The following CSRP1 variants were observed in gnomAD, a reference collection of about 807,000 sequenced individuals.
CSRP1 encodes cysteine and glycine rich protein 1.
Under a neutral mutation model 25.4 loss-of-function variants are expected in CSRP1, and 16 were observed. The ratio of observed to expected loss-of-function variants is 0.63; its 90% CI spans 0.43 to 0.96. The LOEUF (loss-of-function observed/expected upper bound fraction) is 0.96, where lower values mean the gene tolerates loss of function less well. CSRP1 is among the 40% of genes least tolerant of loss of function. CSRP1 has a pLI of 0.00. For synonymous variants in CSRP1, 97 were observed against 95.3 expected, an observed-to-expected ratio of 1.02 and a Z score of -0.10; for missense variants, 212 against 243.6, an observed-to-expected ratio of 0.87 and a Z score of 0.86.
At chr1:201,485,429 C>T in intron 4 of CSRP1, 53 bp from the exon 5 acceptor site, 1 of 1,499,630 alleles carries the variant, frequency 6.7e-7, no homozygotes, top group Non-Finnish European at 9.3e-7. Context: ...AGGGTACCCT[C>T]CACCCCAGGC....
intron 1 of CSRP1, among the ~76,000 whole-genome samples, chr1:201,504,624 T>C (rs770243748): frequency 3.2e-4 from 49 of 152,200 alleles, no homozygotes; most frequent in Non-Finnish European, 5.4e-4. Context: ...CTTCCCAATT[T>C]GCTTCCCACA....
intron 1 of CSRP1, among the ~76,000 whole-genome samples, chr1:201,500,969 T>C (rs1664653835): frequency 6.6e-6 from 1 of 152,158 alleles, no homozygotes; most frequent in Non-Finnish European, 1.5e-5. Flanking sequence ...GCTGTACAGG[T>C]CAATGGTTAG....
chr1:201,492,202 G>C (rs764104774), intron 2 of CSRP1: 1 of 152,254 alleles, frequency 6.6e-6, no homozygotes, highest in African/African-American at 2.4e-5. Flanking sequence ...AAGAGTGCTT[G>C]GGGGAACAGA....
intron 1 of CSRP1, among the ~76,000 whole-genome samples, chr1:201,497,238 A>T (rs1664541831): frequency 6.6e-6 from 1 of 151,586 alleles, no homozygotes; most frequent in East Asian, 1.9e-4. Context: ...GCGCCCCTGT[A>T]ATCCTAGCTA....
At position 201,496,308 on chromosome 1, in the gene CSRP1, A is replaced by T. The variant is rs779233422; in HGVS notation, c.-1-4T>A. The T allele has an allele frequency of 3.1e-6, 5 of 1,604,384 alleles. No homozygotes were observed. The South Asian group carries it at 5.5e-5, about 18-fold the overall frequency. On this transcript the variant is annotated splice_polypyrimidine_tract_variant and splice_region_variant and intron_variant, in intron 1 of 5. Coordinates refer to ENST00000340006, the MANE Select transcript of CSRP1 (RefSeq NM_004078.3). ...GCCTCCTCCCCAGTTCGGCATTCTGAAAAGGGACACAGAAATGGGAATTAA... is the reference window on the plus strand; with the variant it reads ...GCCTCCTCCCCAGTTCGGCATTCTGTAAAGGGACACAGAAATGGGAATTAA...
At chr1:201,494,400 G>T (rs1212816079) in intron 2 of CSRP1, among the ~76,000 whole-genome samples, 1 of 152,218 alleles carries the variant, frequency 6.6e-6, no homozygotes, top group Middle Eastern at 3.2e-3. Flanking sequence ...CCTCTGGAAA[G>T]ATAAACGGCT....
intron 2 of CSRP1, among the ~76,000 whole-genome samples, chr1:201,493,511 G>A (rs1664407864): frequency 6.6e-6 from 1 of 152,192 alleles, no homozygotes; most frequent in South Asian, 2.1e-4. Flanking sequence ...CTTCTCCTTT[G>A]CCTTCTGCCA....
intron 1 of CSRP1, chr1:201,506,504 T>C (rs953602689): frequency 6.6e-6 from 1 of 152,308 alleles, no homozygotes; most frequent in African/African-American, 2.4e-5. Flanking sequence ...TTTCAAGGAC[T>C]GAGGCCACAA....
intron 2 of CSRP1, chr1:201,495,743 C>T (rs928622309): frequency 6.4e-6 from 1 of 157,240 alleles, no homozygotes; most frequent in African/African-American, 2.4e-5. Context: ...ACAGGCCAGC[C>T]TGCAAGGGGC....
At chr1:201,500,169 T>A (rs1664622846) in intron 1 of CSRP1, among the ~76,000 whole-genome samples, 1 of 152,220 alleles carries the variant, frequency 6.6e-6, no homozygotes, top group Non-Finnish European at 1.5e-5. Context: ...GTGCTGGCCC[T>A]CTTCCTCGGC....
Position 201,484,562 on chromosome 1 carries a change from A to T in CSRP1, c.*151T>A, listed in dbSNP as rs938476648. ...GGGTGGGACCTCAGGCAGACCCCCA[A>T]ACCAAAGGGAGCCAGATGCCCAAGT... On this transcript the variant is annotated 3_prime_UTR_variant, in exon 6 of 6. Coordinates refer to ENST00000340006, the MANE Select transcript of CSRP1 (RefSeq NM_004078.3). 21 of 765,026 alleles carry T rather than the reference A, an allele frequency of 2.7e-5. No homozygotes were observed. In the African/African-American group the frequency reaches 3.4e-4, roughly 12 times the overall value. 47.4% of individuals were successfully genotyped at this position (765,026 alleles called of 1,614,324 possible).
intron 1 of CSRP1, among the ~76,000 whole-genome samples, chr1:201,502,345 CCCTT>C (rs1259373713): frequency 2.6e-5 from 4 of 152,228 alleles, no homozygotes. Context: ...GGGCTGGCAT[CCCTT>C]CCAATCTGCA....
intron 1 of CSRP1, among the ~76,000 whole-genome samples, chr1:201,497,173 A>G (rs1478478891): frequency 6.6e-6 from 1 of 152,086 alleles, no homozygotes; most frequent in African/African-American, 2.4e-5. Flanking sequence ...AGACTGGCCA[A>G]TGTGGCGAAA....
At chr1:201,493,769 C>G (rs1378394965) in intron 2 of CSRP1, among the ~76,000 whole-genome samples, 2 of 152,190 alleles carry the variant, frequency 1.3e-5, no homozygotes, top group African/African-American at 4.8e-5. Flanking sequence ...ACCTGGCTAG[C>G]CTCTCCCTTC....
At position 201,483,580 on chromosome 1, in the gene CSRP1, G is replaced by A. The variant is rs1026571548; in HGVS notation, c.*1133C>T. ...CAGATGAGAAATCAGCTTGGGTACA[G>A]CCCATGCCTGCAGCCCTTTCAGTGG... On this transcript the variant is annotated 3_prime_UTR_variant, in exon 6 of 6. Coordinates refer to ENST00000340006, the MANE Select transcript of CSRP1 (RefSeq NM_004078.3). The A allele has an allele frequency of 3.9e-5, 7 of 179,966 alleles. No homozygotes were observed. Among genetic ancestry groups the A allele is most frequent in the Admixed American group, 3.2e-4 (6 of 18,814 alleles). 11.1% of individuals were successfully genotyped at this position (179,966 alleles called of 1,614,324 possible).
At chr1:201,490,881 T>C (rs893640705) in intron 2 of CSRP1, 1 of 152,472 alleles carries the variant, frequency 6.6e-6, no homozygotes. Flanking sequence ...TTAACATTTA[T>C]TAAGTGCCCA....
intron 1 of CSRP1, among the ~76,000 whole-genome samples, chr1:201,505,845 A>G (rs1048585169): frequency 6.6e-6 from 1 of 152,202 alleles, no homozygotes; most frequent in African/African-American, 2.4e-5. Flanking sequence ...CCCATCCCCA[A>G]ATCCCACCTG....
At chr1:201,486,015 G>A (rs527409109) in intron 4 of CSRP1, 1 of 152,296 alleles carries the variant, frequency 6.6e-6, no homozygotes, top group African/African-American at 2.4e-5. Context: ...GTCAGTTAGT[G>A]TTCACAGCTA....
In CSRP1 at chr1:201,503,849, T is replaced by C. The variant is rs536297056; in HGVS notation, c.-2+3221A>G. On this transcript the variant is annotated intron_variant, in intron 1 of 5. Coordinates refer to ENST00000340006, the MANE Select transcript of CSRP1 (RefSeq NM_004078.3). ...CACGCTCTTTTCCAGGCTTGTTTTC[T>C]TTCTGCAAACCTGGCTCTGAAACTC... 2.0e-5 allele frequency among the ~76,000 whole-genome samples: 3 copies of C among 152,330 alleles called. No individual in the cohort carries two copies. The South Asian group carries it at 6.2e-4, about 32-fold the overall frequency.
Sources: allele counts gnomAD v4.1 joint callset (sites outside exome capture counted in the v4.1 genomes callset), GRCh38; gene constraint gnomAD v4.1.1; transcripts MANE v1.5; gene names NCBI Gene and HGNC (gene_info 2026-07-23, HGNC 2026-07-21).